Variants in PCSK2 observed in about 807,000 individuals in gnomAD.
PCSK2 encodes proprotein convertase subtilisin/kexin type 2.
In PCSK2, 14 loss-of-function variants were observed where a neutral mutation model predicts 69.7. The observed-to-expected ratio is 0.20, with a 90% confidence interval of 0.13 to 0.31. The LOEUF (loss-of-function observed/expected upper bound fraction) is 0.31. PCSK2 is among the 10% of genes least tolerant of loss of function. The probability of loss-of-function intolerance (pLI) is 1.00; values close to 1 mark genes in which losing one functional copy is unlikely to be tolerated. For synonymous variants in PCSK2, 307 were observed against 320.7 expected (o/e 0.96, Z 0.46); for missense variants, 544 against 842.5 (o/e 0.65, Z 4.39).
intron 2 of PCSK2, among the ~76,000 whole-genome samples, chr20:17,278,634 T>C (rs1988185795): frequency 6.6e-6 from 1 of 152,096 alleles, no homozygotes; most frequent in Non-Finnish European, 1.5e-5. Flanking sequence ...GACGAGTTAA[T>C]GGGTGCAGCA....
intron 2 of PCSK2, among the ~76,000 whole-genome samples, chr20:17,273,439 A>G (rs572059645): frequency 6.6e-6 from 1 of 152,194 alleles, no homozygotes; most frequent in South Asian, 2.1e-4. Flanking sequence ...GTCTGCCAAT[A>G]CATGCCTAAG....
intron 5 of PCSK2, among the ~76,000 whole-genome samples, chr20:17,402,862 C>A (rs368897582): frequency 2.0e-5 from 3 of 151,688 alleles, no homozygotes; most frequent in South Asian, 4.2e-4. Context: ...GAGGCTGAGG[C>A]GGGAGAATGG....
At chr20:17,481,339 A>G (rs546449374) in intron 11 of PCSK2, among the ~76,000 whole-genome samples, 1 of 145,262 alleles carries the variant, frequency 6.9e-6, no homozygotes, top group South Asian at 2.2e-4. Context: ...CTGAGATCAC[A>G]CCACTGCACT....
intron 6 of PCSK2, among the ~76,000 whole-genome samples, chr20:17,416,003 A>G (rs1054140885): frequency 1.3e-5 from 2 of 152,204 alleles, no homozygotes; most frequent in Non-Finnish European, 2.9e-5. Flanking sequence ...TCCCTTCCTT[A>G]TACCTTATAC....
chr20:17,426,573 T>C (rs906331308), intron 6 of PCSK2, among the ~76,000 whole-genome samples: 2 of 152,330 alleles, frequency 1.3e-5, no homozygotes, highest in East Asian at 3.9e-4. Flanking sequence ...TTATAAGGAA[T>C]TGGCTCACCT....
At chr20:17,301,638 A>C (rs6136054) in intron 2 of PCSK2, among the ~76,000 whole-genome samples, 1 of 152,106 alleles carries the variant, frequency 6.6e-6, no homozygotes, top group Non-Finnish European at 1.5e-5. Flanking sequence ...TTATATAAAA[A>C]TACATATATT....
intron 8 of PCSK2, among the ~76,000 whole-genome samples, chr20:17,444,349 G>A (rs1205776863): frequency 6.6e-6 from 1 of 152,172 alleles, no homozygotes; most frequent in Non-Finnish European, 1.5e-5. Flanking sequence ...GTTGTCTGAT[G>A]GCTGCTTCAC....
rs540569531 is a variant in PCSK2 at position 17,311,830 on chromosome 20, C to T, written c.283-46497C>T. Among the ~76,000 whole-genome samples, 3 of 151,890 alleles carry T rather than the reference C, an allele frequency of 2.0e-5. No individual in the cohort carries two copies. The South Asian group carries it at 6.2e-4, about 32-fold the overall frequency. ...TGATTTTATAGGTTTAGTAATATCT[C>T]CAGGGAATAATTCTCTTTCCCTTTC... On this transcript the variant is annotated intron_variant, in intron 2 of 11. Coordinates refer to ENST00000262545, the MANE Select transcript of PCSK2 (RefSeq NM_002594.5).
At chr20:17,296,457 C>G (rs574479859) in intron 2 of PCSK2, among the ~76,000 whole-genome samples, 1 of 152,306 alleles carries the variant, frequency 6.6e-6, no homozygotes, top group South Asian at 2.1e-4. Context: ...AAACCACTCG[C>G]GCCCCTCTCA....
intron 11 of PCSK2, among the ~76,000 whole-genome samples, chr20:17,481,314 G>A (rs1259919283): frequency 1.4e-5 from 2 of 146,084 alleles, no homozygotes; most frequent in African/African-American, 5.1e-5. Flanking sequence ...CCCAGGAGCT[G>A]AAGGTTGCAG....
chr20:17,227,969 C>A (rs557951710), intron 1 of PCSK2, among the ~76,000 whole-genome samples: 1 of 152,262 alleles, frequency 6.6e-6, no homozygotes, highest in African/African-American at 2.4e-5. Context: ...GCCGGGAGGA[C>A]TTCCCTCCCA....
intron 11 of PCSK2, among the ~76,000 whole-genome samples, chr20:17,470,574 C>T (rs2033181946): frequency 6.6e-6 from 1 of 152,198 alleles, no homozygotes; most frequent in South Asian, 2.1e-4. Context: ...AGCCTAAAGG[C>T]AGCCTTGGGA....
Position 17,464,913 on chromosome 20 carries a change from T to C in PCSK2, c.1203-413T>C, listed in dbSNP as rs377743858. ...CAGGTATATGCCTAGGAAAAGAATTTCCAGGCCATAGCTTAAGCTTAACTT... is the reference window on the plus strand; with the variant it reads ...CAGGTATATGCCTAGGAAAAGAATTCCCAGGCCATAGCTTAAGCTTAACTT... On this transcript the variant is annotated intron_variant, in intron 10 of 11. Transcript: ENST00000262545. The C allele has an allele frequency of 3.1e-5, 8 of 260,378 alleles. No individual in the cohort carries two copies. The East Asian group carries it at 6.2e-4, about 20-fold the overall frequency. 16.1% of individuals were successfully genotyped at this position (260,378 alleles called of 1,614,324 possible).
chr20:17,409,134 G>T, intron 5 of PCSK2, 129 bp from the exon 6 acceptor site: 2 of 694,674 alleles, frequency 2.9e-6, no homozygotes, highest in Non-Finnish European at 5.2e-6. Context: ...AATTTTGTGA[G>T]GTTTGGTCCA....
chr20:17,247,781 G>C (rs1372153307), intron 1 of PCSK2, among the ~76,000 whole-genome samples: 1 of 152,238 alleles, frequency 6.6e-6, no homozygotes, highest in Non-Finnish European at 1.5e-5. Flanking sequence ...GTGTTTAAAA[G>C]AAGCAGGAAA....
chr20:17,349,438 G>A (rs1245956418), intron 2 of PCSK2, among the ~76,000 whole-genome samples: 2 of 152,290 alleles, frequency 1.3e-5, no homozygotes, highest in South Asian at 2.1e-4. Flanking sequence ...AACACCTTGT[G>A]AGAGGAAGAA....
chr20:17,323,902 C>A (rs1989956086), intron 2 of PCSK2, among the ~76,000 whole-genome samples: 1 of 152,254 alleles, frequency 6.6e-6, no homozygotes, highest in Admixed American at 6.5e-5. Context: ...ATACCTGCAA[C>A]TCTTCATCTT....
At chr20:17,338,512 ATTG>A (rs11469525) in intron 2 of PCSK2, among the ~76,000 whole-genome samples, 24,892 of 151,946 alleles carry the variant, frequency 0.16, 2,589 homozygotes, top group East Asian at 0.49. Flanking sequence ...TGTTTTTAAA[ATTG>A]TTGTTGTTGG....
intron 2 of PCSK2, among the ~76,000 whole-genome samples, chr20:17,308,093 G>T (rs954458180): frequency 6.6e-6 from 1 of 151,490 alleles, no homozygotes; most frequent in Non-Finnish European, 1.5e-5. Flanking sequence ...ATCTTCCATG[G>T]CAGGAGCAGG....
Sources: allele counts gnomAD v4.1 joint callset (sites outside exome capture counted in the v4.1 genomes callset), GRCh38; gene constraint gnomAD v4.1.1; transcripts MANE v1.5; gene names NCBI Gene and HGNC (gene_info 2026-07-23, HGNC 2026-07-21).